ROBO2: variants seen among roughly 807,000 people sequenced by gnomAD.
ROBO2 encodes the protein roundabout guidance receptor 2.
Under a neutral mutation model 160.8 loss-of-function variants are expected in ROBO2, and 53 were observed. The ratio of observed to expected loss-of-function variants is 0.33; its 90% CI spans 0.26 to 0.41. ROBO2 has a LOEUF of 0.41. ROBO2 is among the 10% of genes least tolerant of loss of function. The probability of loss-of-function intolerance (pLI) is 1.00; values close to 1 mark genes in which losing one functional copy is unlikely to be tolerated. For synonymous variants in ROBO2, 664 were observed against 611.7 expected (o/e 1.09, Z -1.26); for missense variants, 1,577 against 1,722.4 (o/e 0.92, Z 1.49).
At chr3:77,524,366 C>G (rs2090928531) in intron 6 of ROBO2, among the ~76,000 whole-genome samples, 1 of 151,320 alleles carries the variant, frequency 6.6e-6, no homozygotes, top group South Asian at 2.1e-4. Context: ...AACCCACACT[C>G]TACATGGATA....
intron 1 of ROBO2, among the ~76,000 whole-genome samples, chr3:75,913,756 C>T (rs536621973): frequency 1.3e-5 from 2 of 152,284 alleles, no homozygotes; most frequent in Admixed American, 1.3e-4. Flanking sequence ...TTCTTGTTTA[C>T]AAAATCTCAT....
chr3:76,307,529 A>G (rs1455713139), intron 2 of ROBO2, among the ~76,000 whole-genome samples: 1 of 144,684 alleles, frequency 6.9e-6, no homozygotes, highest in African/African-American at 2.6e-5. Flanking sequence ...CTCTCGGTGG[A>G]CCTTCCCATT....
chr3:76,213,416 G>T (rs1284864409), intron 2 of ROBO2, among the ~76,000 whole-genome samples: 1 of 152,018 alleles, frequency 6.6e-6, no homozygotes, highest in Non-Finnish European at 1.5e-5. Flanking sequence ...TGATTGTTTC[G>T]CCAATACTAG....
chr3:77,138,803 A>G (rs1473760373), intron 2 of ROBO2, among the ~76,000 whole-genome samples: 1 of 152,180 alleles, frequency 6.6e-6, no homozygotes, highest in African/African-American at 2.4e-5. Context: ...AATAAACAGG[A>G]CAATTGCAGA....
chr3:76,998,194 A>C lies in ROBO2; in HGVS notation c.110-99820A>C, dbSNP rs529676832. The stretch of plus-strand genomic sequence containing the variant: ...TATACTGGCCTACATATTAGGGAGC[A>C]TTGATTGTTGCTTACTTTTGGAGGA... On this transcript the variant is annotated intron_variant, in intron 2 of 26. Coordinates refer to the ROBO2 transcript ENST00000487694. 3.3e-5 allele frequency among the ~76,000 whole-genome samples: 5 copies of C among 152,230 alleles called. No homozygotes were observed. In the South Asian group the frequency reaches 1.0e-3, roughly 32 times the overall value.
At chr3:77,385,473 C>T (rs962331822) in intron 2 of ROBO2, among the ~76,000 whole-genome samples, 58 of 152,106 alleles carry the variant, frequency 3.8e-4, no homozygotes, top group African/African-American at 1.3e-3. Context: ...GGTACCCAAG[C>T]GACATTTTTG....
intron 2 of ROBO2, among the ~76,000 whole-genome samples, chr3:77,166,837 G>C (rs2150701146): frequency 6.6e-6 from 1 of 152,346 alleles, no homozygotes; most frequent in African/African-American, 2.4e-5. Flanking sequence ...GGGATTACAG[G>C]CGTGAGCCCC....
At chr3:77,109,340 A>G (rs1478307819) in intron 2 of ROBO2, among the ~76,000 whole-genome samples, 1 of 151,952 alleles carries the variant, frequency 6.6e-6, no homozygotes, top group African/African-American at 2.4e-5. Flanking sequence ...TGTACACTTA[A>G]AAATGGCTAA....
intron 2 of ROBO2, among the ~76,000 whole-genome samples, chr3:76,133,417 A>C (rs114072374): frequency 6.6e-6 from 1 of 152,074 alleles, no homozygotes; most frequent in African/African-American, 2.4e-5. Flanking sequence ...TAATACATGT[A>C]TTAGTCTACT....
rs575911154 is a variant in ROBO2 at position 76,430,840 on chromosome 3, T to C, written c.109+493238T>C. On this transcript the variant is annotated intron_variant, in intron 2 of 26. Transcript: ENST00000487694. Reference sequence around the variant, plus strand: ...GCTGGAACATTTTGCGTATATGTTATTTGAAAAATAATGCTTAAAAAGTCT... The same window carrying C: ...GCTGGAACATTTTGCGTATATGTTACTTGAAAAATAATGCTTAAAAAGTCT... Among the ~76,000 whole-genome samples, 20 of 152,218 alleles carry C rather than the reference T, an allele frequency of 1.3e-4. No individual in the cohort carries two copies. The South Asian group carries it at 3.3e-3, about 25-fold the overall frequency.
At chr3:76,342,594 A>G (rs35623996) in intron 2 of ROBO2, among the ~76,000 whole-genome samples, 124,899 of 151,998 alleles carry the variant, frequency 0.82, 52,330 homozygotes, top group East Asian at 0.96. Context: ...CACTATCTCT[A>G]TCTTCCAAGG....
At chr3:76,268,826 T>C (rs1319807211) in intron 2 of ROBO2, among the ~76,000 whole-genome samples, 1 of 152,126 alleles carries the variant, frequency 6.6e-6, no homozygotes, top group African/African-American at 2.4e-5. Context: ...CATGTAGCCC[T>C]GAGTCTCCAA....
intron 2 of ROBO2, among the ~76,000 whole-genome samples, chr3:77,274,766 A>G (rs895792602): frequency 6.6e-6 from 1 of 152,250 alleles, no homozygotes; most frequent in East Asian, 1.9e-4. Context: ...TTTAAAAATC[A>G]GTACTTACAC....
intron 2 of ROBO2, among the ~76,000 whole-genome samples, chr3:76,424,008 C>T (rs184015796): frequency 2.2e-4 from 33 of 152,172 alleles, no homozygotes; most frequent in African/African-American, 7.0e-4. Flanking sequence ...GCCTCCAAAA[C>T]GTCGATGAAT....
At chr3:76,114,559 T>C (rs1244471520) in intron 2 of ROBO2, among the ~76,000 whole-genome samples, 5 of 152,144 alleles carry the variant, frequency 3.3e-5, no homozygotes, top group African/African-American at 1.2e-4. Flanking sequence ...GGCCCTGATA[T>C]AATTATTATC....
intron 2 of ROBO2, among the ~76,000 whole-genome samples, chr3:76,835,133 C>G (rs927513368): frequency 1.3e-5 from 2 of 151,928 alleles, no homozygotes; most frequent in East Asian, 3.9e-4. Context: ...GTCACATTCC[C>G]TTGCTAGTAA....
intron 2 of ROBO2, among the ~76,000 whole-genome samples, chr3:76,461,308 C>T (rs1442253416): frequency 6.6e-6 from 1 of 152,176 alleles, no homozygotes; most frequent in Non-Finnish European, 1.5e-5. Context: ...GAGGGGTCCT[C>T]CCCTGTGATC....
At chr3:76,434,495 C>G (rs547489409) in intron 2 of ROBO2, 3 of 1,556,332 alleles carry the variant, frequency 1.9e-6, no homozygotes, top group Middle Eastern at 2.3e-4. Context: ...TTATACAAAC[C>G]GAGTCCTCAA....
chr3:76,130,295 T>C (rs2071176993), intron 2 of ROBO2, among the ~76,000 whole-genome samples: 1 of 152,140 alleles, frequency 6.6e-6, no homozygotes, highest in African/African-American at 2.4e-5. Flanking sequence ...GGGATATTTT[T>C]TGCAGCTTTA....
Sources: allele counts gnomAD v4.1 joint callset (sites outside exome capture counted in the v4.1 genomes callset), GRCh38; gene constraint gnomAD v4.1.1; transcripts MANE v1.5; gene names NCBI Gene and HGNC (gene_info 2026-07-23, HGNC 2026-07-21).